Variants in RBFOX1 observed in about 807,000 individuals in gnomAD.
The protein encoded by RBFOX1 is RNA binding protein fox-1 homolog 1.
A neutral mutation model predicts 57.7 loss-of-function variants in RBFOX1; 8 were observed. That is an observed-to-expected ratio of 0.14 (90% CI 0.08 to 0.25). The LOEUF (loss-of-function observed/expected upper bound fraction) is 0.25, where lower values mean the gene tolerates loss of function less well. Ranked by LOEUF, RBFOX1 falls within the 10% of genes least tolerant of loss-of-function variation. The pLI, the probability that RBFOX1 is intolerant of heterozygous loss-of-function variation, is 1.00. For synonymous variants in RBFOX1, 326 were observed against 222.4 expected, an observed-to-expected ratio of 1.47 and a Z score of -4.15; for missense variants, 611 against 548.5, an observed-to-expected ratio of 1.11 and a Z score of -1.14.
chr16:6,832,950 A>C (rs1251093955), intron 3 of RBFOX1, among the ~76,000 whole-genome samples: 2 of 152,172 alleles, frequency 1.3e-5, no homozygotes, highest in East Asian at 3.9e-4. Flanking sequence ...AGATATTAAA[A>C]ATACAGTCAC....
intron 14 of RBFOX1, chr16:7,693,321 G>A: frequency 5.0e-6 from 8 of 1,612,162 alleles, no homozygotes; most frequent in East Asian, 2.2e-5. Context: ...CCAGAAATCA[G>A]TTCGTCTTCG....
intron 5 of RBFOX1, among the ~76,000 whole-genome samples, chr16:7,557,345 T>G (rs1367919727): frequency 6.6e-6 from 1 of 151,546 alleles, no homozygotes; most frequent in Admixed American, 6.6e-5. Context: ...AACAGCCGGG[T>G]GTGGTGGCTT....
chr16:5,639,822 T>A (rs2048802727), intron 3 of RBFOX1, among the ~76,000 whole-genome samples: 1 of 152,198 alleles, frequency 6.6e-6, no homozygotes, highest in African/African-American at 2.4e-5. Context: ...TCTGTTCTCT[T>A]TGTTATGATT....
At chr16:6,273,425 A>C (rs1385851352) in intron 1 of RBFOX1, among the ~76,000 whole-genome samples, 1 of 143,668 alleles carries the variant, frequency 7.0e-6, no homozygotes, top group Non-Finnish European at 1.5e-5. Flanking sequence ...ACTCACTGCA[A>C]CCTCTGCCTC....
Position 7,279,463 on chromosome 16 carries a change from A to G in RBFOX1, c.27+227365A>G, listed in dbSNP as rs573792364. 2.0e-3 allele frequency among the ~76,000 whole-genome samples: 310 copies of G among 152,284 alleles called. 1 individual carries two copies. The highest frequency in any genetic ancestry group is 7.1e-3 in the African/African-American group (293 of 41,550). Reference sequence around the variant, plus strand: ...AGCCGGCATTTACTGAGTCCTCACCACACTCAGGCCTGAGCGCAGCGTCCA... The same window carrying G: ...AGCCGGCATTTACTGAGTCCTCACCGCACTCAGGCCTGAGCGCAGCGTCCA... On this transcript the variant is annotated intron_variant, in intron 4 of 15. Coordinates refer to ENST00000550418, the MANE Select transcript of RBFOX1 (RefSeq NM_018723.4).
chr16:6,359,712 C>T (rs1465686997), intron 2 of RBFOX1, among the ~76,000 whole-genome samples: 1 of 152,192 alleles, frequency 6.6e-6, no homozygotes, highest in Non-Finnish European at 1.5e-5. Flanking sequence ...CATCTACTGT[C>T]TTCCACGAAG....
At chr16:6,964,646 A>T (rs750896934) in intron 3 of RBFOX1, among the ~76,000 whole-genome samples, 10 of 152,336 alleles carry the variant, frequency 6.6e-5, no homozygotes, top group Admixed American at 2.0e-4. Context: ...GAAAATAAAA[A>T]TACATTTTGA....
At chr16:6,179,243 C>T (rs1284321357) in intron 1 of RBFOX1, among the ~76,000 whole-genome samples, 5 of 152,110 alleles carry the variant, frequency 3.3e-5, no homozygotes, top group African/African-American at 1.2e-4. Context: ...CGCCGAGGGT[C>T]CCAGGCTCTG....
chr16:7,390,617 A>G (rs1254023268), intron 4 of RBFOX1, among the ~76,000 whole-genome samples: 1 of 152,258 alleles, frequency 6.6e-6, no homozygotes, highest in Non-Finnish European at 1.5e-5. Flanking sequence ...ACACCTGAGC[A>G]TAGATCATTT....
intron 2 of RBFOX1, among the ~76,000 whole-genome samples, chr16:6,643,712 A>G (rs1346679026): frequency 1.3e-5 from 2 of 152,164 alleles, no homozygotes; most frequent in Admixed American, 1.3e-4. Context: ...TCGGAGTGGT[A>G]GGAAGCCAAT....
intron 2 of RBFOX1, among the ~76,000 whole-genome samples, chr16:6,652,342 G>C (rs2098603258): frequency 6.6e-6 from 1 of 152,088 alleles, no homozygotes; most frequent in Non-Finnish European, 1.5e-5. Flanking sequence ...CAGCTACTCG[G>C]GAGGCTGAGG....
At chr16:6,904,187 C>T (rs986330142) in intron 3 of RBFOX1, among the ~76,000 whole-genome samples, 4 of 152,196 alleles carry the variant, frequency 2.6e-5, no homozygotes, top group Non-Finnish European at 5.9e-5. Context: ...TGTATGTAAA[C>T]ACCATCTTAA....
At chr16:5,622,312 C>T (rs1279040483) in intron 3 of RBFOX1, among the ~76,000 whole-genome samples, 3 of 152,140 alleles carry the variant, frequency 2.0e-5, no homozygotes, top group Admixed American at 6.5e-5. Flanking sequence ...AATGGTGGGA[C>T]ATTAATTATG....
chr16:6,073,886 T>A (rs552688412), intron 1 of RBFOX1, among the ~76,000 whole-genome samples: 1 of 151,980 alleles, frequency 6.6e-6, no homozygotes, highest in Non-Finnish European at 1.5e-5. Flanking sequence ...GGCCTGGAGG[T>A]GTTACACTAT....
At chr16:5,803,304 C>G (rs1283950350) in intron 3 of RBFOX1, among the ~76,000 whole-genome samples, 1 of 152,116 alleles carries the variant, frequency 6.6e-6, no homozygotes, top group African/African-American at 2.4e-5. Context: ...TTCCTTTGTA[C>G]TATTTTATGG....
At chr16:6,805,336 G>C (rs1197284157) in intron 3 of RBFOX1, among the ~76,000 whole-genome samples, 1 of 152,172 alleles carries the variant, frequency 6.6e-6, no homozygotes, top group Non-Finnish European at 1.5e-5. Flanking sequence ...GGAATTCAGT[G>C]ATTTGAACAC....
intron 4 of RBFOX1, among the ~76,000 whole-genome samples, chr16:7,188,562 C>T (rs568293657): frequency 6.6e-6 from 1 of 152,232 alleles, no homozygotes; most frequent in South Asian, 2.1e-4. Flanking sequence ...ACCTCGTTCC[C>T]TGAATGCTAT....
chr16:6,886,029 G>T (rs7194645), intron 3 of RBFOX1, among the ~76,000 whole-genome samples: 9,018 of 151,586 alleles, frequency 0.059, 940 homozygotes, highest in African/African-American at 0.21. Flanking sequence ...ATGCATCAAG[G>T]ATACTGTTGA....
intron 4 of RBFOX1, among the ~76,000 whole-genome samples, chr16:5,920,309 A>G (rs1235922787): frequency 1.3e-5 from 2 of 152,112 alleles, no homozygotes; most frequent in African/African-American, 4.8e-5. Flanking sequence ...TACATTACCC[A>G]TATAATTGTA....
Sources: gnomAD v4.1 joint callset for allele counts (sites outside exome capture counted in the v4.1 genomes callset) on GRCh38, gnomAD v4.1.1 for gene constraint, MANE v1.5 for transcripts, NCBI Gene and HGNC (gene_info 2026-07-23, HGNC 2026-07-21) for gene names.